Variants in CSMD3 observed in about 807,000 individuals in gnomAD.
CSMD3 encodes CUB and Sushi multiple domains 3.
CSMD3 carries 177 observed loss-of-function variants against 435.2 expected under a neutral mutation model. The observed-to-expected ratio is 0.41, with a 90% CI of 0.36 to 0.46. The LOEUF (loss-of-function observed/expected upper bound fraction) is 0.46. Among genes scored for constraint, CSMD3 ranks in the 20% least tolerant of loss-of-function variants. The pLI is 0.34. For missense variants in CSMD3, 4,265 were observed against 4,504.6 expected, an observed-to-expected ratio of 0.95 and a Z score of 1.52; for synonymous variants, 1,656 against 1,520.5, an observed-to-expected ratio of 1.09 and a Z score of -2.07.
chr8:112,277,278 C>T (rs142620467), intron 59 of CSMD3, among the ~76,000 whole-genome samples: 247 of 152,186 alleles, frequency 1.6e-3, no homozygotes, highest in African/African-American at 5.7e-3. Flanking sequence ...CACCAGATAC[C>T]GTAAATCATC....
intron 22 of CSMD3, among the ~76,000 whole-genome samples, chr8:112,605,894 C>T (rs889711925): frequency 3.0e-4 from 46 of 152,196 alleles, no homozygotes; most frequent in African/African-American, 1.0e-3. Flanking sequence ...GAATTTCTAG[C>T]ATAATCTGTC....
chr8:112,416,107 G>A (rs1366361942), intron 32 of CSMD3, among the ~76,000 whole-genome samples: 3 of 151,928 alleles, frequency 2.0e-5, no homozygotes, highest in South Asian at 2.1e-4. Context: ...GGGACCATGG[G>A]CTGTGTCCTC....
intron 22 of CSMD3, among the ~76,000 whole-genome samples, chr8:112,631,210 A>G (rs945104459): frequency 1.1e-4 from 17 of 152,134 alleles, no homozygotes; most frequent in Admixed American, 2.0e-4. Context: ...CTATGGCTCC[A>G]CAGCCATATC....
Position 112,296,006 on chromosome 8 carries a change from G to A in CSMD3, c.8441C>T (p.Ala2814Val), listed in dbSNP as rs369949755. ...LWSESETRCL[A>V]GHCGIPELIV... ...CAGTTCTGGAATTCCACAATGACCC[G>A]CTGAAATACGTTATAAAGTAATATT... Residue 2814 changes from alanine (A) to valine (V), a missense_variant and splice_region_variant, in exon 54 of 71, where the codon GCG (alanine) becomes GTG (valine). By Grantham distance (64) the Ala-to-Val change is moderately conservative (BLOSUM62 0). Around this residue, in one of 3 missense-constraint regions of CSMD3, gnomAD observed 3,255 missense variants for 3,380.2 expected, o/e 0.96. Coordinates refer to ENST00000297405, the MANE Select transcript of CSMD3 (RefSeq NM_198123.2). 5.6e-6 allele frequency: 9 copies of A among 1,606,964 alleles called. No homozygotes were observed. The highest frequency in any genetic ancestry group is 2.7e-5 in the African/African-American group (2 of 74,710).
At chr8:112,495,857 G>T (rs1031513703) in intron 30 of CSMD3, among the ~76,000 whole-genome samples, 1 of 151,454 alleles carries the variant, frequency 6.6e-6, no homozygotes, top group Non-Finnish European at 1.5e-5. Flanking sequence ...ATTTTAGATC[G>T]CTGCATCTAA....
At chr8:112,908,829 G>A (rs1347372656) in intron 10 of CSMD3, among the ~76,000 whole-genome samples, 1 of 151,368 alleles carries the variant, frequency 6.6e-6, no homozygotes, top group African/African-American at 2.4e-5. Flanking sequence ...ATGTTTTATT[G>A]TTCTTTTTAA....
At chr8:113,157,131 T>A (rs183248587) in intron 4 of CSMD3, among the ~76,000 whole-genome samples, 2 of 152,194 alleles carry the variant, frequency 1.3e-5, no homozygotes, top group Non-Finnish European at 1.5e-5. Context: ...AATGGTGCAG[T>A]CACTATGGAA....
intron 2 of CSMD3, among the ~76,000 whole-genome samples, chr8:113,290,697 A>G (rs1191646093): frequency 6.6e-6 from 1 of 151,696 alleles, no homozygotes; most frequent in Non-Finnish European, 1.5e-5. Context: ...ATGCAGTGAC[A>G]TGGAACGTAC....
At chr8:113,152,503 T>C (rs1031755878) in intron 4 of CSMD3, among the ~76,000 whole-genome samples, 1 of 152,042 alleles carries the variant, frequency 6.6e-6, no homozygotes, top group Non-Finnish European at 1.5e-5. Flanking sequence ...TTGGTGACAA[T>C]GTTCCAGGAG....
At chr8:112,349,108 T>A (rs1286976972) in intron 40 of CSMD3, among the ~76,000 whole-genome samples, 3 of 151,156 alleles carry the variant, frequency 2.0e-5, no homozygotes, top group Non-Finnish European at 2.9e-5. Context: ...CTAATTATGA[T>A]ATGAGATGTG....
intron 9 of CSMD3, among the ~76,000 whole-genome samples, chr8:112,927,035 A>T (rs1587689500): frequency 6.6e-6 from 1 of 152,178 alleles, no homozygotes; most frequent in South Asian, 2.1e-4. Context: ...TAGCAAAAAA[A>T]TCAAAACACT....
intron 10 of CSMD3, among the ~76,000 whole-genome samples, chr8:112,883,802 T>C (rs191388490): frequency 6.6e-6 from 1 of 151,958 alleles, no homozygotes; most frequent in African/African-American, 2.4e-5. Flanking sequence ...TATGTCTGTT[T>C]AGTCTCCTTC....
At chr8:113,163,678 T>A (rs2092091867) in intron 4 of CSMD3, among the ~76,000 whole-genome samples, 1 of 152,028 alleles carries the variant, frequency 6.6e-6, no homozygotes, top group African/African-American at 2.4e-5. Flanking sequence ...ATGTATGAAT[T>A]AACAAAGAGA....
rs773585004 is a variant in CSMD3 at position 113,399,106 on chromosome 8, T to TATATATATATATATACAC, written c.178+37570_178+37571insGTGTATATATATATATAT. Among the ~76,000 whole-genome samples, 351 of 94,932 alleles carry TATATATATATATATACAC rather than the reference T, an allele frequency of 3.7e-3. 2 individuals carry two copies. The highest frequency in any genetic ancestry group is 4.4e-3 in the Non-Finnish European group (226 of 51,158). 62.3% of individuals were successfully genotyped at this position (94,932 alleles called of 152,430 possible). On this transcript the variant is annotated intron_variant, in intron 1 of 70. Coordinates refer to ENST00000297405, the MANE Select transcript of CSMD3 (RefSeq NM_198123.2). ...ATATATATATATATATATATATATA[T>TATATATATATATATACAC]ACACACACACACACACACTATATAT...
chr8:112,775,761 T>C (rs1024938072), intron 13 of CSMD3, among the ~76,000 whole-genome samples: 2 of 151,996 alleles, frequency 1.3e-5, no homozygotes, highest in East Asian at 1.9e-4. Flanking sequence ...GCAATATATT[T>C]GTATTTCCTA....
At position 112,236,035 on chromosome 8, in the gene CSMD3, G is replaced by A. The variant is rs188478238; in HGVS notation, c.10627+1155C>T. Among the ~76,000 whole-genome samples, 575 of 151,778 alleles carry A rather than the reference G, an allele frequency of 3.8e-3. 4 individuals carry two copies. The highest frequency in any genetic ancestry group is 0.013 in the African/African-American group (549 of 41,476). ...GTCTCATTCATTTAAAGTTTCTTTC[G>A]ATTAATATAAGGTAATTATATGTAT... On this transcript the variant is annotated intron_variant, in intron 67 of 70. Transcript: ENST00000297405.
chr8:112,903,404 G>A (rs1176098811), intron 10 of CSMD3, among the ~76,000 whole-genome samples: 1 of 151,110 alleles, frequency 6.6e-6, no homozygotes, highest in East Asian at 2.0e-4. Context: ...TGAATAAAAT[G>A]TTCCGAAAAG....
At chr8:112,726,556 A>G (rs1045906626) in intron 13 of CSMD3, among the ~76,000 whole-genome samples, 5 of 151,922 alleles carry the variant, frequency 3.3e-5, no homozygotes, top group African/African-American at 7.2e-5. Context: ...TAAACCTAGT[A>G]TTAAGCAGAG....
chr8:113,366,100 T>C (rs796532263), intron 1 of CSMD3, among the ~76,000 whole-genome samples: 6 of 152,204 alleles, frequency 3.9e-5, no homozygotes, highest in African/African-American at 1.4e-4. Context: ...AAGAATACTC[T>C]AGGATTTGAT....
Sources: gnomAD v4.1 joint callset for allele counts (sites outside exome capture counted in the v4.1 genomes callset) on GRCh38, gnomAD v4.1.1 for gene constraint, gnomAD v4.1.1 regional missense constraint, MANE v1.5 for transcripts, NCBI Gene and HGNC (gene_info 2026-07-23, HGNC 2026-07-21) for gene names.